Variants in SLC22A23 observed in about 807,000 individuals in gnomAD.
SLC22A23 encodes the protein solute carrier family 22 member 23.
SLC22A23 carries 26 observed loss-of-function variants against 61.0 expected under a neutral mutation model. The observed-to-expected ratio is 0.43, with a 90% confidence interval of 0.31 to 0.59. The LOEUF is 0.59. SLC22A23 is among the 20% of genes least tolerant of loss of function. The probability of loss-of-function intolerance (pLI) is 0.11; values close to 1 mark genes in which losing one functional copy is unlikely to be tolerated. For missense variants in SLC22A23, 796 were observed against 934.7 expected (o/e 0.85, Z 1.94); for synonymous variants, 430 against 413.9 (o/e 1.04, Z -0.47).
chr6:3,332,711 T>C (rs1237251744), intron 3 of SLC22A23, among the ~76,000 whole-genome samples: 1 of 152,222 alleles, frequency 6.6e-6, no homozygotes, highest in Non-Finnish European at 1.5e-5. Context: ...AATTCTTTAA[T>C]ATTATTCAAT....
Position 3,453,137 on chromosome 6 carries a change from C to A in SLC22A23, c.654+2769G>T, listed in dbSNP as rs908190521. Among the ~76,000 whole-genome samples, 46 of 152,160 alleles carry A rather than the reference C, an allele frequency of 3.0e-4. 1 individual carries two copies. The highest frequency in any genetic ancestry group is 1.1e-3 in the African/African-American group (44 of 41,498). ...CATGCTTAAGAGACACACATGCCAA[C>A]CAGAGCGATAAGTATGGCAAATTTT... On this transcript the variant is annotated intron_variant, in intron 1 of 9. Coordinates refer to ENST00000406686, the MANE Select transcript of SLC22A23 (RefSeq NM_015482.2).
rs530190001 is a variant in SLC22A23 at position 3,270,429 on chromosome 6, C to T, written c.*2626G>A. 6.6e-6 allele frequency: 1 copy of T among 152,518 alleles called. No homozygotes were observed. The highest frequency in any genetic ancestry group is 2.1e-4 in the South Asian group (1 of 4,830). The allele number at this position is 152,518 out of a possible 1,614,324, so 9.4% of individuals were successfully genotyped here. On this transcript the variant is annotated 3_prime_UTR_variant, in exon 10 of 10. Coordinates refer to ENST00000406686, the MANE Select transcript of SLC22A23 (RefSeq NM_015482.2). ...GTGCCCACAGGGAAGTGTTGCTGCTCTGGCAACATTTCATAAAGGTGTTGC... is the reference window on the plus strand; with the variant it reads ...GTGCCCACAGGGAAGTGTTGCTGCTTTGGCAACATTTCATAAAGGTGTTGC...
At chr6:3,299,711 G>T (rs1444459192) in intron 4 of SLC22A23, among the ~76,000 whole-genome samples, 1 of 152,228 alleles carries the variant, frequency 6.6e-6, no homozygotes, top group African/African-American at 2.4e-5. Context: ...GGGTGAAATG[G>T]TCTCTCCTCA....
At chr6:3,340,857 T>C (rs1764113439) in intron 3 of SLC22A23, among the ~76,000 whole-genome samples, 1 of 152,158 alleles carries the variant, frequency 6.6e-6, no homozygotes, top group South Asian at 2.1e-4. Context: ...CAGGGCAATA[T>C]GAGTTTACAG....
intron 3 of SLC22A23, among the ~76,000 whole-genome samples, chr6:3,388,209 C>T (rs1027441881): frequency 2.6e-5 from 4 of 152,154 alleles, no homozygotes; most frequent in Non-Finnish European, 4.4e-5. Context: ...TGCTTTGGAA[C>T]GTGAGACTCA....
intron 6 of SLC22A23, 44 bp downstream of exon 6, chr6:3,289,720 C>G (rs758435139): frequency 6.4e-7 from 1 of 1,553,334 alleles, no homozygotes; most frequent in Admixed American, 1.7e-5. Context: ...ACCTTCTTCC[C>G]TGGCCCCCTC....
intron 1 of SLC22A23, among the ~76,000 whole-genome samples, chr6:3,418,891 C>CT (rs1769926616): frequency 6.6e-6 from 1 of 152,182 alleles, no homozygotes; most frequent in South Asian, 2.1e-4. Flanking sequence ...CACCGACACC[C>CT]TTGTTTGACT....
At chr6:3,453,883 T>C (rs1310920778) in intron 1 of SLC22A23, among the ~76,000 whole-genome samples, 2 of 152,180 alleles carry the variant, frequency 1.3e-5, no homozygotes, top group Non-Finnish European at 2.9e-5. Flanking sequence ...GCACTCACCA[T>C]AGTGTACATC....
rs932557621 is a variant in SLC22A23 at position 3,308,238 on chromosome 6, C to T, written c.1083-10020G>A. Among the ~76,000 whole-genome samples, 1 of 152,118 alleles carries T rather than the reference C, an allele frequency of 6.6e-6. No homozygotes were observed. The highest frequency in any genetic ancestry group is 1.5e-5 in the Non-Finnish European group (1 of 68,020). ...AAATATTACAGAGAAGACGAAAGCC[C>T]CCCCATACCGCTCACCCCAATCCCA... On this transcript the variant is annotated intron_variant, in intron 4 of 9. Coordinates refer to ENST00000406686, the MANE Select transcript of SLC22A23 (RefSeq NM_015482.2). This position sits in a 1 kb window ranked among gnomAD's most constrained non-coding sequence, Gnocchi z 5.1.
chr6:3,420,306 C>G (rs1364690297), intron 1 of SLC22A23, among the ~76,000 whole-genome samples: 1 of 150,944 alleles, frequency 6.6e-6, no homozygotes, highest in Non-Finnish European at 1.5e-5. Context: ...AAGAAAATAC[C>G]ATTAATATTA....
intron 4 of SLC22A23, among the ~76,000 whole-genome samples, 171 bp from the exon 5 acceptor site, chr6:3,298,389 T>C (rs892821002): frequency 6.6e-6 from 1 of 152,154 alleles, no homozygotes; most frequent in African/African-American, 2.4e-5. Flanking sequence ...TTCCCAGTTT[T>C]CTTTTCCAAA....
chr6:3,349,774 A>G (rs1561915575), intron 3 of SLC22A23, among the ~76,000 whole-genome samples: 1 of 152,224 alleles, frequency 6.6e-6, no homozygotes, highest in East Asian at 1.9e-4. Flanking sequence ...TAAGCCTAAC[A>G]TGAAAGCAGG....
At chr6:3,432,194 G>A (rs955973154) in intron 1 of SLC22A23, 1 of 985,388 alleles carries the variant, frequency 1.0e-6, no homozygotes, top group Non-Finnish European at 1.2e-6. Context: ...TCTGAGCCCA[G>A]TGCTCCTTGC....
At position 3,456,872 on chromosome 6, in the gene SLC22A23, T is replaced by A. The variant is rs1409194090; in HGVS notation, c.-313A>T. ...GGCTGCCGAGCCCGCCGCTCTCCGCTGCTCCGCGCCGGACGCGGCAGGAGG... is the reference window on the plus strand; with the variant it reads ...GGCTGCCGAGCCCGCCGCTCTCCGCAGCTCCGCGCCGGACGCGGCAGGAGG... On this transcript the variant is annotated 5_prime_UTR_variant, in exon 1 of 10. Transcript: ENST00000406686. This position sits in a 1 kb window ranked among gnomAD's most constrained non-coding sequence, Gnocchi z 7.1. The A allele has an allele frequency of 1.4e-5, 2 of 147,388 alleles. No individual in the cohort carries two copies. The highest frequency in any genetic ancestry group is 2.0e-4 in the East Asian group (1 of 4,996). 9.1% of individuals were successfully genotyped at this position (147,388 alleles called of 1,614,324 possible). A position where few individuals can be genotyped will look rare whatever the true frequency, so the allele number is the denominator to read the frequency against.
chr6:3,297,848 G>A lies in SLC22A23; in HGVS notation c.1210+243C>T, dbSNP rs9378778. ...GCAGTGTATATTGGGCTCATGGCTC[G>A]CTTCTGCATTTAGACAGGAGATGAG... On this transcript the variant is annotated intron_variant, in intron 5 of 9. Coordinates refer to ENST00000406686, the MANE Select transcript of SLC22A23 (RefSeq NM_015482.2). This position sits in a 1 kb window ranked among gnomAD's most constrained non-coding sequence, Gnocchi z 4.3. 9.7e-4 allele frequency among the ~76,000 whole-genome samples: 147 copies of A among 152,276 alleles called. No individual in the cohort carries two copies. The highest frequency in any genetic ancestry group is 3.4e-3 in the Middle Eastern group (1 of 294).
intron 3 of SLC22A23, among the ~76,000 whole-genome samples, chr6:3,357,831 G>A (rs1479417304): frequency 6.6e-6 from 1 of 152,242 alleles, no homozygotes; most frequent in African/African-American, 2.4e-5. Context: ...AGAGACACGT[G>A]CCTATAAGAC....
chr6:3,398,440 G>C (rs1206571788), intron 3 of SLC22A23, among the ~76,000 whole-genome samples: 2 of 149,586 alleles, frequency 1.3e-5, no homozygotes, highest in African/African-American at 5.0e-5. Flanking sequence ...AACTCTGCTT[G>C]GATACAAAGC....
chr6:3,444,383 C>T (rs746933), intron 1 of SLC22A23, among the ~76,000 whole-genome samples: 80,175 of 152,076 alleles, frequency 0.53, 21,476 homozygotes, highest in South Asian at 0.73. Flanking sequence ...GGGCCCCAGC[C>T]CTTTCTCCAG....
chr6:3,315,598 GC>G (rs1762591851), intron 4 of SLC22A23, among the ~76,000 whole-genome samples: 1 of 152,116 alleles, frequency 6.6e-6, no homozygotes, highest in Admixed American at 6.5e-5. Flanking sequence ...GGGCATGGTG[GC>G]TCACACATAT....
Sources: allele counts gnomAD v4.1 joint callset (sites outside exome capture counted in the v4.1 genomes callset), GRCh38; gene constraint gnomAD v4.1.1; non-coding constraint Gnocchi (gnomAD v3.1); transcripts MANE v1.5; gene names NCBI Gene and HGNC (gene_info 2026-07-23, HGNC 2026-07-21).